Variants in TBCK observed in about 807,000 individuals in gnomAD.
TBCK encodes TBC domain-containing protein kinase-like protein.
Under a neutral mutation model 113.4 loss-of-function variants are expected in TBCK, and 99 were observed. The ratio of observed to expected loss-of-function variants is 0.87; its 90% CI spans 0.74 to 1.03. TBCK has a LOEUF of 1.03. Among genes scored for constraint, TBCK ranks in the 50% least tolerant of loss-of-function variants. The pLI, the probability that TBCK is intolerant of heterozygous loss-of-function variation, is 0.00. For synonymous variants in TBCK, 369 were observed against 370.8 expected, an observed-to-expected ratio of 1.00 and a Z score of 0.05; for missense variants, 1,045 against 1,061.3, an observed-to-expected ratio of 0.98 and a Z score of 0.21.
chr4:106,244,447 CA>C (rs1760528317), intron 11 of TBCK, among the ~76,000 whole-genome samples, 178 bp downstream of exon 11: 3 of 151,816 alleles, frequency 2.0e-5, no homozygotes, highest in Non-Finnish European at 4.4e-5. Context: ...TTTGGCCAAT[CA>C]AACAAGGTGT....
At chr4:106,161,201 TTGTG>T (rs1449102787) in intron 23 of TBCK, among the ~76,000 whole-genome samples, 1 of 152,098 alleles carries the variant, frequency 6.6e-6, no homozygotes, top group South Asian at 2.1e-4. Context: ...AAATTTTACG[TTGTG>T]TGTATTTTTA....
intron 3 of TBCK, among the ~76,000 whole-genome samples, chr4:106,271,915 T>C (rs1044194544): frequency 3.9e-5 from 6 of 152,170 alleles, no homozygotes; most frequent in Admixed American, 3.9e-4. Flanking sequence ...CCTTAAGGGC[T>C]CATTAATATA....
Position 106,236,974 on chromosome 4 carries a change from A to C in TBCK, c.1171-166T>G, listed in dbSNP as rs530808412. ...TCTTACCATAAACATGCAAGCATAC[A>C]ATGCCTCTACTGATTACGGTTTGGC... On this transcript the variant is annotated intron_variant, in intron 12 of 25. Coordinates refer to ENST00000394708, the MANE Select transcript of TBCK (RefSeq NM_001163435.3). Among the ~76,000 whole-genome samples, 10 of 152,086 alleles carry C rather than the reference A, an allele frequency of 6.6e-5. No individual in the cohort carries two copies. In the South Asian group the frequency reaches 2.1e-3, roughly 31 times the overall value.
chr4:106,257,248 T>A (rs911660211), intron 5 of TBCK, among the ~76,000 whole-genome samples: 2 of 152,156 alleles, frequency 1.3e-5, no homozygotes, highest in African/African-American at 4.8e-5. Flanking sequence ...TGCCCTTTCG[T>A]CATTTATTGT....
chr4:106,102,127 CT>C (rs747710310), intron 24 of TBCK, among the ~76,000 whole-genome samples: 37 of 152,172 alleles, frequency 2.4e-4, no homozygotes, highest in Non-Finnish European at 4.7e-4. Context: ...GAGCCTTTGG[CT>C]TTAATATTAA....
chr4:106,055,803 A>G (rs750888217), intron 25 of TBCK, among the ~76,000 whole-genome samples: 5 of 151,172 alleles, frequency 3.3e-5, no homozygotes, highest in Admixed American at 6.6e-5. Flanking sequence ...CTTTTCAACA[A>G]TCTCTGAAAC....
At chr4:106,063,729 G>A (rs1031071654) in intron 25 of TBCK, among the ~76,000 whole-genome samples, 3 of 151,748 alleles carry the variant, frequency 2.0e-5, no homozygotes, top group African/African-American at 7.3e-5. Flanking sequence ...GAGGTCATGA[G>A]GGGAGACCCT....
intron 3 of TBCK, among the ~76,000 whole-genome samples, chr4:106,287,720 T>G (rs1156322433): frequency 6.6e-6 from 1 of 152,130 alleles, no homozygotes; most frequent in Non-Finnish European, 1.5e-5. Flanking sequence ...GAATTAAGCC[T>G]CTTGTCAACA....
chr4:106,242,732 C>CT (rs1271347762), intron 11 of TBCK, among the ~76,000 whole-genome samples, 163 bp from the exon 12 acceptor site: 4 of 151,724 alleles, frequency 2.6e-5, no homozygotes, highest in Admixed American at 6.6e-5. Flanking sequence ...TATTATTATA[C>CT]TTTAAGTTTT....
At chr4:106,161,150 T>A (rs1749741266) in intron 23 of TBCK, among the ~76,000 whole-genome samples, 1 of 152,068 alleles carries the variant, frequency 6.6e-6, no homozygotes, top group South Asian at 2.1e-4. Flanking sequence ...TATGAATGTA[T>A]TTAATACCAC....
At chr4:106,212,727 C>A (rs779392391) in intron 20 of TBCK, 23 bp downstream of exon 20, 1 of 1,498,336 alleles carries the variant, frequency 6.7e-7, no homozygotes, top group Non-Finnish European at 9.2e-7. Flanking sequence ...ACCACATGTT[C>A]TATTAATGCA....
chr4:106,056,552 CT>C (rs1735426392), intron 25 of TBCK, among the ~76,000 whole-genome samples: 2 of 148,170 alleles, frequency 1.3e-5, no homozygotes. Flanking sequence ...TAGGACTTGT[CT>C]TGTATCCATT....
intron 24 of TBCK, among the ~76,000 whole-genome samples, chr4:106,105,343 A>G (rs1041170680): frequency 6.6e-6 from 1 of 152,236 alleles, no homozygotes; most frequent in African/African-American, 2.4e-5. Flanking sequence ...GGAGTCAAAA[A>G]AAAATGACCC....
In TBCK at chr4:106,308,814, G is replaced by A. The variant is rs1418842304; in HGVS notation, c.147C>T (p.Thr49=). 6.2e-7 allele frequency: 1 copy of A among 1,614,120 alleles called. No homozygotes were observed. The highest frequency in any genetic ancestry group is 1.1e-5 in the South Asian group (1 of 91,084). ...CCACATACTGGCAGAGTCTGGGATGGGTGATGGTTTTAAGGATTTGAAAGC... is the reference window on the plus strand; with the variant it reads ...CCACATACTGGCAGAGTCTGGGATGAGTGATGGTTTTAAGGATTTGAAAGC... ...LGRFQILKTI[T]HPRLCQYVDI... The change falls in exon 2 of 26, where the codon ACC becomes ACT. Residue 49 remains threonine (T), a synonymous_variant. Coordinates refer to ENST00000394708, the MANE Select transcript of TBCK (RefSeq NM_001163435.3).
chr4:106,314,592 A>C (rs1768553295), intron 1 of TBCK, among the ~76,000 whole-genome samples: 1 of 151,090 alleles, frequency 6.6e-6, no homozygotes, highest in Admixed American at 6.6e-5. Context: ...TTTATTATTC[A>C]ATCCTACTAC....
chr4:106,263,553 G>A (rs1762698918), intron 3 of TBCK, among the ~76,000 whole-genome samples: 1 of 151,730 alleles, frequency 6.6e-6, no homozygotes, highest in Non-Finnish European at 1.5e-5. Context: ...TGTGGCATGA[G>A]GGAACTGTTC....
chr4:106,205,907 A>G (rs902199474), intron 20 of TBCK, among the ~76,000 whole-genome samples: 1 of 152,148 alleles, frequency 6.6e-6, no homozygotes, highest in African/African-American at 2.4e-5. Flanking sequence ...TAAAAATGTA[A>G]AAGATTATAA....
At chr4:106,155,815 T>G (rs1749058114) in intron 23 of TBCK, among the ~76,000 whole-genome samples, 1 of 152,168 alleles carries the variant, frequency 6.6e-6, no homozygotes, top group East Asian at 1.9e-4. Context: ...TCTTTGAGTT[T>G]CCTAAAACAG....
At chr4:106,120,373 G>A (rs1744160252) in intron 23 of TBCK, among the ~76,000 whole-genome samples, 1 of 152,142 alleles carries the variant, frequency 6.6e-6, no homozygotes, top group South Asian at 2.1e-4. Flanking sequence ...CTGCAAGGCG[G>A]CAGCGAGGCT....
Sources: allele counts gnomAD v4.1 joint callset (sites outside exome capture counted in the v4.1 genomes callset), GRCh38; gene constraint gnomAD v4.1.1; transcripts MANE v1.5; gene names NCBI Gene and HGNC (gene_info 2026-07-23, HGNC 2026-07-21).